PHF20L1: variants seen among roughly 807,000 people sequenced by gnomAD.
PHF20L1 encodes PHD finger protein 20-like protein 1.
Under a neutral mutation model 125.5 loss-of-function variants are expected in PHF20L1, and 44 were observed. The observed-to-expected ratio is 0.35, with a 90% CI of 0.28 to 0.45. The LOEUF is 0.45. Among genes scored for constraint, PHF20L1 ranks in the 20% least tolerant of loss-of-function variants. PHF20L1 has a pLI of 1.00. For missense variants in PHF20L1, 1,012 were observed against 1,217.2 expected, an observed-to-expected ratio of 0.83 and a Z score of 2.51; for synonymous variants, 380 against 403.1, an observed-to-expected ratio of 0.94 and a Z score of 0.69.
chr8:132,798,983 C>T lies in PHF20L1; in HGVS notation c.430-112C>T, dbSNP rs1399359049. On this transcript the variant is annotated intron_variant, in intron 5 of 20. Transcript: ENST00000395386. ...AATTGTAGGGTTATGTGCTGATAGCCCCAAATAGCAGCAAGAAAAGGAAGC... is the reference window on the plus strand; with the variant it reads ...AATTGTAGGGTTATGTGCTGATAGCTCCAAATAGCAGCAAGAAAAGGAAGC... 24 of 1,081,154 alleles carry T rather than the reference C, an allele frequency of 2.2e-5. No homozygotes were observed. In the Admixed American group the frequency reaches 4.3e-4, roughly 19 times the overall value. 67.0% of individuals were successfully genotyped at this position (1,081,154 alleles called of 1,614,324 possible). A position where few individuals can be genotyped will look rare whatever the true frequency, so the allele number is the denominator to read the frequency against.
At chr8:132,804,310 G>T (rs903103893) in intron 7 of PHF20L1, among the ~76,000 whole-genome samples, 3 of 151,620 alleles carry the variant, frequency 2.0e-5, no homozygotes, top group African/African-American at 4.8e-5. Context: ...TTTTGTTTGA[G>T]ATTTTTTCTT....
intron 18 of PHF20L1, 70 bp from the exon 19 acceptor site, chr8:132,842,445 T>A (rs891707830): frequency 5.1e-6 from 7 of 1,381,988 alleles, no homozygotes; most frequent in Admixed American, 4.7e-5. Context: ...CTGAAATAGA[T>A]CATTGTATTC....
In PHF20L1 at chr8:132,803,976, T is replaced by C; in HGVS notation, c.665T>C (p.Ile222Thr). 4 of 1,612,380 alleles carry C rather than the reference T, an allele frequency of 2.5e-6. No individual in the cohort carries two copies. Among genetic ancestry groups the C allele is most frequent in the Non-Finnish European group, 3.4e-6 (4 of 1,178,736 alleles). The change falls in exon 7 of 21, where the codon ATA (isoleucine) becomes ACA (threonine). Residue 222 changes from isoleucine (I) to threonine (T), a missense_variant. By Grantham distance (89) the Ile-to-Thr change is moderately conservative. Transcript: ENST00000395386. Reference sequence around the variant, plus strand: ...AAGAAGGAGGAAACTTCAACTTGTATAGCCACACCAGACGTAGAGAAGAAG... The same window carrying C: ...AAGAAGGAGGAAACTTCAACTTGTACAGCCACACCAGACGTAGAGAAGAAG... ...PSKKEETSTC[I>T]ATPDVEKKED...
chr8:132,803,214 G>A (rs1029071313), intron 6 of PHF20L1, among the ~76,000 whole-genome samples: 3 of 151,694 alleles, frequency 2.0e-5, no homozygotes, highest in African/African-American at 7.3e-5. Flanking sequence ...GGTCAATGGA[G>A]CTCTTTTCTT....
At chr8:132,781,995 A>G (rs920555727) in intron 2 of PHF20L1, among the ~76,000 whole-genome samples, 9 of 152,196 alleles carry the variant, frequency 5.9e-5, no homozygotes, top group African/African-American at 1.4e-4. Context: ...AACTTTTTCA[A>G]TCATCTGCAT....
intron 12 of PHF20L1, among the ~76,000 whole-genome samples, chr8:132,822,934 T>C (rs1183590929): frequency 6.6e-6 from 1 of 151,958 alleles, no homozygotes; most frequent in Non-Finnish European, 1.5e-5. Flanking sequence ...ACTAAAATTG[T>C]ATTTTAAATG....
intron 9 of PHF20L1, chr8:132,812,123 G>T (rs1168497028): frequency 4.1e-6 from 4 of 979,706 alleles, no homozygotes; most frequent in Non-Finnish European, 1.2e-6. Flanking sequence ...CTGATTTTCT[G>T]TGATCATCCA....
intron 2 of PHF20L1, chr8:132,789,029 TTAA>T (rs1220204736): frequency 6.6e-6 from 1 of 152,112 alleles, no homozygotes; most frequent in Non-Finnish European, 1.5e-5. Flanking sequence ...TGTAAAGCAG[TTAA>T]TAATGTGAGC....
chr8:132,827,166 C>T (rs1180370136), intron 14 of PHF20L1, among the ~76,000 whole-genome samples: 1 of 151,850 alleles, frequency 6.6e-6, no homozygotes, highest in Non-Finnish European at 1.5e-5. Context: ...CCCACCCCCC[C>T]ATCACCTCTT....
chr8:132,836,298 G>C, intron 15 of PHF20L1: 1 of 297,984 alleles, frequency 3.4e-6, no homozygotes, highest in Non-Finnish European at 6.2e-6. Flanking sequence ...AAGTCTAAAA[G>C]ACACTTTGAG....
chr8:132,833,175 A>G (rs1460551803), intron 15 of PHF20L1, among the ~76,000 whole-genome samples: 3 of 152,086 alleles, frequency 2.0e-5, no homozygotes, highest in South Asian at 4.1e-4. Context: ...GGCCTTCAGC[A>G]TAAGTACAAC....
At chr8:132,841,329 C>A (rs574837614) in intron 18 of PHF20L1, among the ~76,000 whole-genome samples, 47 of 152,192 alleles carry the variant, frequency 3.1e-4, no homozygotes, top group African/African-American at 1.1e-3. Context: ...TATGGCACAG[C>A]AGAATTCAAC....
chr8:132,785,317 A>G (rs1284354395), intron 2 of PHF20L1, among the ~76,000 whole-genome samples: 3 of 152,166 alleles, frequency 2.0e-5, no homozygotes, highest in Non-Finnish European at 4.4e-5. Flanking sequence ...GAAACAGTTT[A>G]TCTGTTGTGG....
At chr8:132,819,551 C>G (rs1253999940) in intron 12 of PHF20L1, among the ~76,000 whole-genome samples, 1 of 151,544 alleles carries the variant, frequency 6.6e-6, no homozygotes, top group Non-Finnish European at 1.5e-5. Flanking sequence ...TCTCGGTGGT[C>G]TCTATGCTTT....
chr8:132,816,156 A>G (rs566253824), intron 10 of PHF20L1: 2 of 152,048 alleles, frequency 1.3e-5, no homozygotes, highest in East Asian at 1.9e-4. Flanking sequence ...TATGCCATGT[A>G]GAAAGAAGAT....
At chr8:132,785,617 A>C (rs1830927112) in intron 2 of PHF20L1, among the ~76,000 whole-genome samples, 1 of 152,162 alleles carries the variant, frequency 6.6e-6, no homozygotes, top group South Asian at 2.1e-4. Context: ...ACCACTCCCT[A>C]TCATTTCTTG....
At chr8:132,789,549 T>C (rs1458228181) in intron 2 of PHF20L1, among the ~76,000 whole-genome samples, 4 of 152,196 alleles carry the variant, frequency 2.6e-5, no homozygotes, top group African/African-American at 9.6e-5. Context: ...GTCTTCTCTA[T>C]TTTGGAATGC....
chr8:132,775,832 G>C (rs566054147), intron 1 of PHF20L1, among the ~76,000 whole-genome samples, 187 bp downstream of exon 1: 170 of 152,214 alleles, frequency 1.1e-3, no homozygotes, highest in Non-Finnish European at 1.9e-3. Flanking sequence ...CCTGCGGAGG[G>C]CCGGATGGCT....
chr8:132,834,473 A>G (rs1837126132), intron 15 of PHF20L1, among the ~76,000 whole-genome samples: 1 of 152,008 alleles, frequency 6.6e-6, no homozygotes, highest in Non-Finnish European at 1.5e-5. Flanking sequence ...AGCTAAGACT[A>G]CCAGCACAGG....
Sources: gnomAD v4.1 joint callset for allele counts (sites outside exome capture counted in the v4.1 genomes callset) on GRCh38, gnomAD v4.1.1 for gene constraint, MANE v1.5 for transcripts, NCBI Gene and HGNC (gene_info 2026-07-23, HGNC 2026-07-21) for gene names.